Variants in RANBP2 observed in about 807,000 individuals in gnomAD.
RANBP2 encodes E3 SUMO-protein ligase RanBP2.
Under a neutral mutation model 303.6 loss-of-function variants are expected in RANBP2, and 57 were observed. That is an observed-to-expected ratio of 0.19 (90% confidence interval 0.15 to 0.23). The LOEUF is 0.23. Ranked by LOEUF, RANBP2 falls within the 10% of genes least tolerant of loss-of-function variation. The pLI, the probability that RANBP2 is intolerant of heterozygous loss-of-function variation, is 1.00. For missense variants in RANBP2, 3,138 were observed against 3,780.8 expected (o/e 0.83, Z 4.46); for synonymous variants, 1,167 against 1,301.5 (o/e 0.90, Z 2.23).
intron 18 of RANBP2, among the ~76,000 whole-genome samples, chr2:108,760,635 A>G (rs1341042030): frequency 6.6e-6 from 1 of 152,112 alleles, no homozygotes; most frequent in East Asian, 1.9e-4. Flanking sequence ...AGTGATATCA[A>G]TTTTTAAGTT....
At chr2:109,129,969 G>T in the RANBP2 span, 1 of 1,406,182 alleles carries the variant, frequency 7.1e-7, no homozygotes, top group South Asian at 1.5e-5. Context: ...TCCCAGGCCA[G>T]AGTGCGGCCC....
chr2:108,787,156 T>G (rs1190088494), downstream of RANBP2, among the ~76,000 whole-genome samples: 2 of 152,116 alleles, frequency 1.3e-5, no homozygotes, highest in Non-Finnish European at 2.9e-5. Flanking sequence ...CATGGTGTGG[T>G]GTTGGAGAAA....
At chr2:109,080,124 G>A in the RANBP2 span, among the ~76,000 whole-genome samples, 5 of 152,182 alleles carry the variant, frequency 3.3e-5, no homozygotes, top group Admixed American at 2.6e-4. Flanking sequence ...AAGGAGATGG[G>A]GCCCATCAAT....
At chr2:108,865,948 C>A in the RANBP2 span, among the ~76,000 whole-genome samples, 1 of 152,096 alleles carries the variant, frequency 6.6e-6, no homozygotes, top group East Asian at 1.9e-4. Context: ...AAACTTTGGA[C>A]ATTAGACACA....
intron 1 of RANBP2, chr2:108,720,053 C>T (rs1256359537): frequency 2.0e-6 from 2 of 984,668 alleles, no homozygotes; most frequent in Admixed American, 6.2e-5. Context: ...CGGGTTTCTT[C>T]CCATCTCCTG....
the RANBP2 span, among the ~76,000 whole-genome samples, chr2:109,718,920 G>T: frequency 6.9e-6 from 1 of 144,344 alleles, no homozygotes; most frequent in African/African-American, 2.5e-5. Context: ...TGAGGCAGGA[G>T]AATTGCTTGA....
chr2:109,111,276 G>C, the RANBP2 span, among the ~76,000 whole-genome samples: 1 of 152,030 alleles, frequency 6.6e-6, no homozygotes, highest in Non-Finnish European at 1.5e-5. Flanking sequence ...AGCAGAACTT[G>C]TATTTTCAAA....
the RANBP2 span, among the ~76,000 whole-genome samples, chr2:109,025,939 C>T: frequency 6.6e-6 from 1 of 152,058 alleles, no homozygotes; most frequent in Non-Finnish European, 1.5e-5. Context: ...CTGGGACAGT[C>T]CCAGCTGATG....
At chr2:109,018,633 A>G in the RANBP2 span, among the ~76,000 whole-genome samples, 3 of 152,196 alleles carry the variant, frequency 2.0e-5, no homozygotes, top group South Asian at 6.2e-4. Flanking sequence ...GGCTCTAGCT[A>G]TGCTCCCACG....
At chr2:108,931,089 G>T in the RANBP2 span, 4 of 1,469,234 alleles carry the variant, frequency 2.7e-6, no homozygotes, top group African/African-American at 2.8e-5. Context: ...CCGGGGGTCT[G>T]GCTACCTTTA....
the RANBP2 span, among the ~76,000 whole-genome samples, chr2:108,927,502 T>C: frequency 1.4e-4 from 22 of 152,168 alleles, no homozygotes; most frequent in Non-Finnish European, 2.6e-4. Flanking sequence ...CTTCAGGCCA[T>C]AGAGTCAGCC....
the RANBP2 span, among the ~76,000 whole-genome samples, chr2:109,368,549 A>G: frequency 6.6e-6 from 1 of 151,960 alleles, no homozygotes; most frequent in African/African-American, 2.4e-5. Flanking sequence ...ACCTTCCTCA[A>G]ATTCTTATTC....
chr2:109,026,167 G>T, the RANBP2 span, among the ~76,000 whole-genome samples: 1 of 151,960 alleles, frequency 6.6e-6, no homozygotes, highest in Non-Finnish European at 1.5e-5. Context: ...CTAGAGAAAG[G>T]GTCTCACTCT....
At chr2:108,980,339 G>A in the RANBP2 span, among the ~76,000 whole-genome samples, 1 of 152,052 alleles carries the variant, frequency 6.6e-6, no homozygotes, top group Admixed American at 6.6e-5. Context: ...AGCCCCCTTG[G>A]GAGGCTCTGG....
At chr2:109,296,352 C>T in the RANBP2 span, among the ~76,000 whole-genome samples, 3 of 151,964 alleles carry the variant, frequency 2.0e-5, no homozygotes, top group South Asian at 2.1e-4. Context: ...CTCAGCCTCC[C>T]GAGTAGCTGG....
At chr2:109,570,773 T>C in the RANBP2 span, among the ~76,000 whole-genome samples, 18 of 152,114 alleles carry the variant, frequency 1.2e-4, no homozygotes, top group Admixed American at 7.9e-4. Flanking sequence ...CCACCTGCCT[T>C]GGCCTCTGAA....
chr2:109,152,606 T>C, the RANBP2 span, among the ~76,000 whole-genome samples: 1 of 152,266 alleles, frequency 6.6e-6, no homozygotes, highest in Non-Finnish European at 1.5e-5. Flanking sequence ...CAGATTTATA[T>C]TTAAAGCTGT....
the RANBP2 span, among the ~76,000 whole-genome samples, chr2:108,915,356 T>C: frequency 6.6e-6 from 1 of 152,158 alleles, no homozygotes; most frequent in Non-Finnish European, 1.5e-5. Context: ...GGCTGGATGC[T>C]TCTCTGTCCT....
At chr2:108,892,070 A>AGGT in the RANBP2 span, among the ~76,000 whole-genome samples, 1 of 152,090 alleles carries the variant, frequency 6.6e-6, no homozygotes, top group South Asian at 2.1e-4. Context: ...GGCCAGGATA[A>AGGT]GGTGATCCTC....
Sources: allele counts gnomAD v4.1 joint callset (sites outside exome capture counted in the v4.1 genomes callset), GRCh38; gene constraint gnomAD v4.1.1; transcripts MANE v1.5; gene names NCBI Gene and HGNC (gene_info 2026-07-23, HGNC 2026-07-21).